GALNTL6: variants seen among roughly 807,000 people sequenced by gnomAD.
GALNTL6 encodes the protein polypeptide N-acetylgalactosaminyltransferase like 6, also known as polypeptide N-acetylgalactosaminyltransferase-like 6.
In GALNTL6, 46 loss-of-function variants were observed where a neutral mutation model predicts 73.7. That is an observed-to-expected ratio of 0.62 (90% CI 0.49 to 0.80). GALNTL6 has a LOEUF of 0.80. Among genes scored for constraint, GALNTL6 ranks in the 30% least tolerant of loss-of-function variants. GALNTL6 has a pLI of 0.00. For synonymous variants in GALNTL6, 259 were observed against 263.7 expected (o/e 0.98, Z 0.17); for missense variants, 604 against 755.0 (o/e 0.80, Z 2.34).
intron 7 of GALNTL6, among the ~76,000 whole-genome samples, chr4:172,843,497 G>A (rs1484516063): frequency 6.6e-6 from 1 of 152,140 alleles, no homozygotes; most frequent in Non-Finnish European, 1.5e-5. Context: ...GGGAAAGAAA[G>A]GCCATGGCTT....
At chr4:172,431,264 T>C (rs953265183) in intron 5 of GALNTL6, among the ~76,000 whole-genome samples, 1 of 152,172 alleles carries the variant, frequency 6.6e-6, no homozygotes, top group African/African-American at 2.4e-5. Flanking sequence ...TTACTTACGA[T>C]GCATTCCAAT....
intron 5 of GALNTL6, among the ~76,000 whole-genome samples, chr4:172,715,654 A>G (rs1223158700): frequency 6.6e-6 from 1 of 152,216 alleles, no homozygotes; most frequent in Non-Finnish European, 1.5e-5. Flanking sequence ...AATTAATGAC[A>G]TTATAAAAAG....
intron 5 of GALNTL6, among the ~76,000 whole-genome samples, chr4:172,449,632 C>A (rs1215335282): frequency 6.6e-6 from 1 of 152,158 alleles, no homozygotes; most frequent in African/African-American, 2.4e-5. Flanking sequence ...ACAACACTGG[C>A]CGTTCTTTCT....
At chr4:172,519,620 C>T (rs1734713901) in intron 5 of GALNTL6, among the ~76,000 whole-genome samples, 1 of 151,024 alleles carries the variant, frequency 6.6e-6, no homozygotes, top group African/African-American at 2.4e-5. Context: ...CTCTGTCTTG[C>T]TCTACATTTT....
intron 5 of GALNTL6, among the ~76,000 whole-genome samples, chr4:172,358,858 A>C (rs1468821745): frequency 1.7e-4 from 1 of 5,782 alleles, no homozygotes; most frequent in East Asian, 4.5e-3. Context: ...TTAAAAAGTC[A>C]AAAAAAAAAA....
At chr4:172,818,307 G>A (rs775021428) in intron 7 of GALNTL6, among the ~76,000 whole-genome samples, 18 of 152,116 alleles carry the variant, frequency 1.2e-4, no homozygotes, top group Non-Finnish European at 2.6e-4. Flanking sequence ...AGAAATAATC[G>A]ATTCAGCAGT....
chr4:171,982,642 C>G (rs1243950916), intron 2 of GALNTL6, among the ~76,000 whole-genome samples: 1 of 152,108 alleles, frequency 6.6e-6, no homozygotes, highest in Non-Finnish European at 1.5e-5. Context: ...TGTTGGAGGT[C>G]CTCCACCCAT....
chr4:171,827,298 G>A (rs1436943094), intron 2 of GALNTL6, among the ~76,000 whole-genome samples: 2 of 152,098 alleles, frequency 1.3e-5, no homozygotes, highest in Non-Finnish European at 2.9e-5. Flanking sequence ...ATTATTTACA[G>A]GAAATAATTA....
chr4:172,771,494 A>G (rs1270944521), intron 5 of GALNTL6, among the ~76,000 whole-genome samples: 1 of 152,194 alleles, frequency 6.6e-6, no homozygotes, highest in Non-Finnish European at 1.5e-5. Flanking sequence ...TTCATTTTGA[A>G]TCCTTTTGAG....
At chr4:172,358,870 A>C (rs1289267881) in intron 5 of GALNTL6, among the ~76,000 whole-genome samples, 1 of 151,024 alleles carries the variant, frequency 6.6e-6, no homozygotes, top group Non-Finnish European at 1.5e-5. Context: ...AAAAAAAAAA[A>C]AAAAAAAAAA....
intron 2 of GALNTL6, among the ~76,000 whole-genome samples, chr4:171,922,870 T>C (rs1336174695): frequency 6.6e-6 from 1 of 152,148 alleles, no homozygotes; most frequent in Non-Finnish European, 1.5e-5. Context: ...TATGCTTTGT[T>C]TTATATTTAT....
chr4:171,837,005 C>A (rs28653706), intron 2 of GALNTL6, among the ~76,000 whole-genome samples: 18,521 of 151,948 alleles, frequency 0.12, 1,907 homozygotes, highest in African/African-American at 0.28. Context: ...CATATAAATA[C>A]TTAATAATTA....
intron 2 of GALNTL6, among the ~76,000 whole-genome samples, chr4:172,126,825 A>G (rs770868910): frequency 5.9e-5 from 9 of 152,154 alleles, no homozygotes; most frequent in Non-Finnish European, 1.0e-4. Flanking sequence ...CAGTCCCTGC[A>G]TCTCCATATT....
At chr4:172,010,361 C>T (rs1740966991) in intron 2 of GALNTL6, among the ~76,000 whole-genome samples, 1 of 152,048 alleles carries the variant, frequency 6.6e-6, no homozygotes, top group Non-Finnish European at 1.5e-5. Flanking sequence ...TATAGACAAG[C>T]TACCTTAAAC....
intron 5 of GALNTL6, among the ~76,000 whole-genome samples, chr4:172,412,802 C>T (rs1240240492): frequency 6.6e-6 from 1 of 152,086 alleles, no homozygotes; most frequent in African/African-American, 2.4e-5. Flanking sequence ...ACAAAAAAAT[C>T]CAGCCTCATA....
intron 3 of GALNTL6, among the ~76,000 whole-genome samples, chr4:172,237,524 C>G (rs1191416138): frequency 6.6e-6 from 1 of 152,090 alleles, no homozygotes; most frequent in African/African-American, 2.4e-5. Context: ...AATATTTTCT[C>G]CCATCGCATG....
intron 5 of GALNTL6, among the ~76,000 whole-genome samples, chr4:172,732,134 ATGT>A (rs1178182941): frequency 3.9e-5 from 6 of 152,050 alleles, no homozygotes; most frequent in Non-Finnish European, 1.5e-5. Context: ...TGAGAATGGG[ATGT>A]TAACATCCCT....
At chr4:171,984,812 G>A (rs1325603199) in intron 2 of GALNTL6, among the ~76,000 whole-genome samples, 1 of 152,122 alleles carries the variant, frequency 6.6e-6, no homozygotes, top group African/African-American at 2.4e-5. Context: ...ATTATCTGCA[G>A]TGAGTATATC....
chr4:172,150,919 T>C (rs1734070113), intron 2 of GALNTL6, among the ~76,000 whole-genome samples: 1 of 152,214 alleles, frequency 6.6e-6, no homozygotes, highest in Non-Finnish European at 1.5e-5. Context: ...ACTTAAGCTA[T>C]GTTATAAAAT....
Sources: allele counts gnomAD v4.1 joint callset (sites outside exome capture counted in the v4.1 genomes callset), GRCh38; gene constraint gnomAD v4.1.1; transcripts MANE v1.5; gene names NCBI Gene and HGNC (gene_info 2026-07-23, HGNC 2026-07-21).